CACNB4: variants seen among roughly 807,000 people sequenced by gnomAD.
The protein encoded by CACNB4 is voltage-dependent L-type calcium channel subunit beta-4.
In CACNB4, 32 loss-of-function variants were observed where a neutral mutation model predicts 71.2. The observed-to-expected ratio is 0.45, with a 90% CI of 0.34 to 0.60. The LOEUF (loss-of-function observed/expected upper bound fraction) is 0.60, where lower values mean the gene tolerates loss of function less well. CACNB4 is among the 20% of genes least tolerant of loss of function. The probability of loss-of-function intolerance (pLI) is 0.01; values close to 1 mark genes in which losing one functional copy is unlikely to be tolerated. For synonymous variants in CACNB4, 231 were observed against 236.9 expected, an observed-to-expected ratio of 0.97 and a Z score of 0.23; for missense variants, 464 against 647.9, an observed-to-expected ratio of 0.72 and a Z score of 3.08.
chr2:151,974,568 T>C (rs2099873432), intron 2 of CACNB4, among the ~76,000 whole-genome samples: 3 of 152,232 alleles, frequency 2.0e-5, no homozygotes, highest in Admixed American at 1.3e-4. Flanking sequence ...TAATGCTCTT[T>C]AGTTGAATGT....
At chr2:152,009,202 A>AAG (rs1682913725) in intron 2 of CACNB4, among the ~76,000 whole-genome samples, 1 of 151,646 alleles carries the variant, frequency 6.6e-6, no homozygotes, top group African/African-American at 2.4e-5. Context: ...AAAAAAAAAA[A>AAG]AAGAAAGAAA....
chr2:152,005,972 A>G (rs947504640), intron 2 of CACNB4, among the ~76,000 whole-genome samples: 1 of 152,254 alleles, frequency 6.6e-6, no homozygotes, highest in Non-Finnish European at 1.5e-5. Flanking sequence ...GTTCGCTATC[A>G]TTAGTATTCT....
At position 151,872,503 on chromosome 2, in the gene CACNB4, A is replaced by C; in HGVS notation, c.522-10T>G. ...ATTTCCACTTGATTTCCTAGGATAT[A>C]GAAAAGGAACTAAAGACTCACTCCC... On this transcript the variant is annotated splice_polypyrimidine_tract_variant and intron_variant, in intron 5 of 13. Coordinates refer to ENST00000539935, the MANE Select transcript of CACNB4 (RefSeq NM_000726.5). 6.6e-7 allele frequency: 1 copy of C among 1,519,208 alleles called. No individual in the cohort carries two copies. Among genetic ancestry groups the C allele is most frequent in the Non-Finnish European group, 9.1e-7 (1 of 1,096,526 alleles). 94.1% of individuals were successfully genotyped at this position (1,519,208 alleles called of 1,614,324 possible).
chr2:152,002,406 G>A (rs1682478270), intron 2 of CACNB4, among the ~76,000 whole-genome samples: 1 of 152,122 alleles, frequency 6.6e-6, no homozygotes, highest in Admixed American at 6.5e-5. Flanking sequence ...ATCTGTGTGG[G>A]TCTTTCTCTG....
intron 2 of CACNB4, among the ~76,000 whole-genome samples, chr2:151,950,961 G>A (rs965309725): frequency 2.0e-5 from 3 of 151,808 alleles, no homozygotes; most frequent in African/African-American, 7.3e-5. Context: ...TTTTTGAGAC[G>A]GAGTCTTGCT....
intron 2 of CACNB4, among the ~76,000 whole-genome samples, chr2:151,939,152 T>C (rs2099863648): frequency 6.6e-6 from 1 of 152,226 alleles, no homozygotes; most frequent in Non-Finnish European, 1.5e-5. Context: ...GAATTATTAC[T>C]GGCATCCAAA....
intron 2 of CACNB4, chr2:151,971,344 A>G (rs2099872489): frequency 1.7e-6 from 1 of 600,678 alleles, no homozygotes; most frequent in Non-Finnish European, 3.0e-6. Flanking sequence ...CACCCCACAA[A>G]GACATTTTCA....
chr2:152,004,017 T>C (rs1013690469), intron 2 of CACNB4, among the ~76,000 whole-genome samples: 1 of 152,068 alleles, frequency 6.6e-6, no homozygotes, highest in African/African-American at 2.4e-5. Flanking sequence ...TGACAGGATC[T>C]CGTTGTTACC....
At chr2:152,014,700 CA>C (rs1383558396) in intron 2 of CACNB4, among the ~76,000 whole-genome samples, 13 of 150,674 alleles carry the variant, frequency 8.6e-5, no homozygotes, top group Non-Finnish European at 1.8e-4. Flanking sequence ...CACTGCACTC[CA>C]GCCTGGGTGA....
intron 2 of CACNB4, among the ~76,000 whole-genome samples, chr2:152,054,800 T>G (rs963761119): frequency 6.6e-6 from 1 of 152,190 alleles, no homozygotes; most frequent in Non-Finnish European, 1.5e-5. Context: ...TGGTTTTGAA[T>G]TGCATTTCCT....
intron 2 of CACNB4, among the ~76,000 whole-genome samples, chr2:151,886,345 T>A (rs1432370119): frequency 6.6e-6 from 1 of 152,194 alleles, no homozygotes; most frequent in Non-Finnish European, 1.5e-5. Flanking sequence ...GCAAGCTGCC[T>A]GCTGAGGTAG....
intron 9 of CACNB4, chr2:151,861,851 A>AAAAAAAAAAAACAAAAAAAAAAC (rs201014643): frequency 7.4e-6 from 1 of 135,288 alleles, no homozygotes; most frequent in African/African-American, 2.9e-5. Context: ...TCAAAAAAAA[A>AAAAAAAAAAAACAAAAAAAAAAC]AAAAAAACTG....
At chr2:152,038,953 C>T (rs1209447405) in intron 2 of CACNB4, among the ~76,000 whole-genome samples, 4 of 152,008 alleles carry the variant, frequency 2.6e-5, no homozygotes, top group Admixed American at 6.6e-5. Context: ...GAGCTCTGGA[C>T]GGATATAGAG....
Position 151,838,244 on chromosome 2 carries a change from G to A in CACNB4, c.*875C>T, listed in dbSNP as rs1302630043. On this transcript the variant is annotated 3_prime_UTR_variant, in exon 14 of 14. Transcript: ENST00000539935. ...TAGTTGTGCTCAGATTGATTAAAGG[G>A]AGAACAACACCCCATTTTATATTTC... 1 of 152,512 alleles carries A rather than the reference G, an allele frequency of 6.6e-6. No individual in the cohort carries two copies. The highest frequency in any genetic ancestry group is 2.1e-4 in the South Asian group (1 of 4,828). The allele number at this position is 152,512 out of a possible 1,614,324, so 9.4% of individuals were successfully genotyped here.
chr2:151,902,522 AT>A (rs1197247339), intron 2 of CACNB4, among the ~76,000 whole-genome samples: 1 of 152,114 alleles, frequency 6.6e-6, no homozygotes, highest in Non-Finnish European at 1.5e-5. Flanking sequence ...GATTATTAGA[AT>A]TTTTCATTAT....
chr2:151,851,621 C>G (rs376232100), intron 12 of CACNB4: 5 of 152,122 alleles, frequency 3.3e-5, no homozygotes, highest in African/African-American at 9.7e-5. Context: ...AATGATCAAC[C>G]CTCTCAGCAG....
intron 2 of CACNB4, among the ~76,000 whole-genome samples, chr2:151,924,836 T>G (rs1254313152): frequency 1.3e-5 from 2 of 152,230 alleles, no homozygotes; most frequent in Admixed American, 1.3e-4. Context: ...AACTCCTTTT[T>G]GTAACACGGT....
chr2:151,943,950 T>C (rs1262177554), intron 2 of CACNB4, among the ~76,000 whole-genome samples: 1 of 152,168 alleles, frequency 6.6e-6, no homozygotes, highest in Admixed American at 6.5e-5. Context: ...TGCCTGTCAT[T>C]GGAGGTGTTA....
At chr2:152,085,679 T>C (rs558314616) in intron 2 of CACNB4, among the ~76,000 whole-genome samples, 2 of 152,246 alleles carry the variant, frequency 1.3e-5, no homozygotes, top group South Asian at 4.2e-4. Flanking sequence ...GGCTTTGTGT[T>C]GCTGTTGTTG....
Sources: gnomAD v4.1 joint callset for allele counts (sites outside exome capture counted in the v4.1 genomes callset) on GRCh38, gnomAD v4.1.1 for gene constraint, MANE v1.5 for transcripts, NCBI Gene and HGNC (gene_info 2026-07-23, HGNC 2026-07-21) for gene names.